YEATS2: variants seen among roughly 807,000 people sequenced by gnomAD.
YEATS2 encodes YEATS domain containing 2, also known as YEATS domain-containing protein 2.
A neutral mutation model predicts 163.2 loss-of-function variants in YEATS2; 77 were observed. That is an observed-to-expected ratio of 0.47 (90% CI 0.39 to 0.57). The LOEUF is 0.57. Among genes scored for constraint, YEATS2 ranks in the 20% least tolerant of loss-of-function variants. YEATS2 has a pLI of 0.00. For missense variants in YEATS2, 1,549 were observed against 1,729.8 expected, an observed-to-expected ratio of 0.90 and a Z score of 1.85; for synonymous variants, 631 against 645.1, an observed-to-expected ratio of 0.98 and a Z score of 0.33.
At chr3:183,775,698 G>A (rs1269104492) in intron 17 of YEATS2, among the ~76,000 whole-genome samples, 1 of 152,222 alleles carries the variant, frequency 6.6e-6, no homozygotes, top group Admixed American at 6.5e-5. Flanking sequence ...ACAGTCAGTT[G>A]TCATGCAGTT....
chr3:183,796,929 C>T (rs1247461093), intron 21 of YEATS2, among the ~76,000 whole-genome samples: 5 of 152,056 alleles, frequency 3.3e-5, no homozygotes, highest in Middle Eastern at 3.4e-3. Context: ...GGTTGTGGGA[C>T]GAGGATACTT....
chr3:183,784,811 C>T (rs1252852260), intron 19 of YEATS2, among the ~76,000 whole-genome samples: 1 of 149,546 alleles, frequency 6.7e-6, no homozygotes, highest in Non-Finnish European at 1.5e-5. Flanking sequence ...TGGTGGGTCA[C>T]GCCTGTAATT....
chr3:183,735,840 C>T (rs1172170294), intron 7 of YEATS2, among the ~76,000 whole-genome samples: 1 of 152,154 alleles, frequency 6.6e-6, no homozygotes, highest in African/African-American at 2.4e-5. Context: ...AGCCACCGCA[C>T]CCAGCCTCCT....
intron 27 of YEATS2, chr3:183,806,659 A>G (rs1726236282): frequency 3.4e-6 from 2 of 586,020 alleles, no homozygotes; most frequent in South Asian, 2.0e-5. Context: ...CCTTACATAG[A>G]TCACACACAA....
intron 9 of YEATS2, 76 bp downstream of exon 9, chr3:183,747,792 G>GT: frequency 7.1e-7 from 1 of 1,417,096 alleles, no homozygotes; most frequent in Non-Finnish European, 9.9e-7. Context: ...TTGTTTGTTT[G>GT]TTTTGAGACG....
chr3:183,740,532 G>C (rs1271666596), intron 8 of YEATS2, among the ~76,000 whole-genome samples: 1 of 152,232 alleles, frequency 6.6e-6, no homozygotes, highest in Non-Finnish European at 1.5e-5. Flanking sequence ...CTGTATAGAA[G>C]ATCATACCAG....
intron 7 of YEATS2, among the ~76,000 whole-genome samples, chr3:183,732,634 A>C (rs1300615938): frequency 1.3e-5 from 2 of 151,342 alleles, no homozygotes; most frequent in Non-Finnish European, 2.9e-5. Flanking sequence ...GTCTTGGCTC[A>C]CTGCAAGCTC....
At chr3:183,715,061 TGTAA>T (rs1388116189) in intron 1 of YEATS2, 79 bp from the exon 2 acceptor site, 2 of 718,856 alleles carry the variant, frequency 2.8e-6, no homozygotes, top group Non-Finnish European at 4.8e-6. Context: ...CACATATATT[TGTAA>T]GTACTGGTAT....
chr3:183,713,965 C>T (rs116359810), intron 1 of YEATS2, among the ~76,000 whole-genome samples: 23,034 of 151,822 alleles, frequency 0.15, 2,015 homozygotes, highest in South Asian at 0.2. Context: ...CCATTATGCC[C>T]AGCTAATTTT....
rs1386661080 is a variant in YEATS2 at position 183,806,846 on chromosome 3, ACTGCTTGC to A, written c.3785-16_3785-9del. 3.7e-6 allele frequency: 6 copies of A among 1,613,610 alleles called. No homozygotes were observed. Among genetic ancestry groups the A allele is most frequent in the Non-Finnish European group, 5.1e-6 (6 of 1,179,636 alleles). On this transcript the variant is annotated splice_polypyrimidine_tract_variant and intron_variant, in intron 27 of 30. Transcript: ENST00000305135. ...CCGTTGGCCCCACAGCTGTTGTAAC[ACTGCTTGC>A]CTGTCATTTAGAGTGCCCATCATCA... is the stretch of plus-strand genomic sequence containing the variant.
intron 2 of YEATS2, 47 bp downstream of exon 2, chr3:183,715,309 C>T (rs1715729779): frequency 7.2e-7 from 1 of 1,381,802 alleles, no homozygotes; most frequent in African/African-American, 1.7e-5. Context: ...ACATATGCCT[C>T]CGCTAGAAAA....
intron 8 of YEATS2, among the ~76,000 whole-genome samples, chr3:183,746,982 T>C (rs998896228): frequency 2.0e-5 from 3 of 152,168 alleles, no homozygotes; most frequent in East Asian, 3.8e-4. Context: ...TCACAAGTTC[T>C]TTTTTTAGTG....
chr3:183,703,381 ACT>A (rs1254286909), intron 1 of YEATS2, among the ~76,000 whole-genome samples: 1 of 152,118 alleles, frequency 6.6e-6, no homozygotes, highest in Non-Finnish European at 1.5e-5. Context: ...GTCGGTACTA[ACT>A]CTGGTGAAAA....
intron 21 of YEATS2, chr3:183,793,366 C>T (rs1724839174): frequency 9.2e-7 from 1 of 1,089,850 alleles, no homozygotes. Context: ...TTCTACCTCC[C>T]TGTTAAAATT....
At chr3:183,793,081 T>C in intron 21 of YEATS2, 1 of 1,216,274 alleles carries the variant, frequency 8.2e-7, no homozygotes. Context: ...TATCGAACTG[T>C]TAAAGTTTCT....
intron 19 of YEATS2, among the ~76,000 whole-genome samples, chr3:183,779,531 C>A (rs1723345861): frequency 1.3e-5 from 2 of 152,044 alleles, no homozygotes; most frequent in African/African-American, 4.8e-5. Flanking sequence ...AGATTTCAGC[C>A]CTCCAATATG....
At chr3:183,717,803 A>G (rs1716056869) in intron 3 of YEATS2, 55 bp downstream of exon 3, 4 of 1,084,324 alleles carry the variant, frequency 3.7e-6, no homozygotes, top group Non-Finnish European at 5.0e-6. Context: ...AAATGTATAC[A>G]TGATTGAAAA....
chr3:183,724,599 C>CTAATTA, intron 6 of YEATS2, 68 bp downstream of exon 6: 1 of 1,117,422 alleles, frequency 8.9e-7, no homozygotes, highest in Non-Finnish European at 1.3e-6. Context: ...AATACTCTTA[C>CTAATTA]AGTGTTACAG....
chr3:183,736,899 G>A lies in YEATS2; in HGVS notation c.924+70G>A. On this transcript the variant is annotated intron_variant, in intron 8 of 30. Transcript: ENST00000305135. ...ACCAGCTACAATTGATCCTTGAATAGCATGGCGGTTAAGGACCCCCTCGCA... is the reference window on the plus strand; with the variant it reads ...ACCAGCTACAATTGATCCTTGAATAACATGGCGGTTAAGGACCCCCTCGCA... 5 of 1,378,246 alleles carry A rather than the reference G, an allele frequency of 3.6e-6. No homozygotes were observed. In the South Asian group the frequency reaches 6.7e-5, roughly 18 times the overall value. The allele number at this position is 1,378,246 out of a possible 1,614,324, so 85.4% of individuals were successfully genotyped here.
Sources: allele counts gnomAD v4.1 joint callset (sites outside exome capture counted in the v4.1 genomes callset), GRCh38; gene constraint gnomAD v4.1.1; transcripts MANE v1.5; gene names NCBI Gene and HGNC (gene_info 2026-07-23, HGNC 2026-07-21).